Variants in PTPN4 observed in about 807,000 individuals in gnomAD.
PTPN4 encodes protein tyrosine phosphatase non-receptor type 4, also known as tyrosine-protein phosphatase non-receptor type 4.
PTPN4 carries 49 observed loss-of-function variants against 135.5 expected under a neutral mutation model. The observed-to-expected ratio is 0.36, with a 90% CI of 0.29 to 0.46. The LOEUF (loss-of-function observed/expected upper bound fraction) is 0.46. Ranked by LOEUF, PTPN4 falls within the 20% of genes least tolerant of loss-of-function variation. PTPN4 has a pLI of 1.00. For missense variants in PTPN4, 860 were observed against 1,101.0 expected, an observed-to-expected ratio of 0.78 and a Z score of 3.10; for synonymous variants, 333 against 369.9, an observed-to-expected ratio of 0.90 and a Z score of 1.14.
At chr2:119,933,656 C>T (rs1211213334) in intron 14 of PTPN4, among the ~76,000 whole-genome samples, 2 of 141,530 alleles carry the variant, frequency 1.4e-5, no homozygotes. Flanking sequence ...GAGTGAGACC[C>T]TGTCTCAAAA....
intron 10 of PTPN4, among the ~76,000 whole-genome samples, chr2:119,910,884 C>T (rs1275904771): frequency 6.6e-6 from 1 of 152,026 alleles, no homozygotes; most frequent in Non-Finnish European, 1.5e-5. Context: ...TCTTTATTAG[C>T]AGTGTGAGAA....
intron 2 of PTPN4, among the ~76,000 whole-genome samples, chr2:119,850,807 C>G (rs955711695): frequency 6.6e-6 from 1 of 152,200 alleles, no homozygotes; most frequent in East Asian, 1.9e-4. Context: ...AGGAGCAGAT[C>G]CATAGAGTTC....
intron 10 of PTPN4, 69 bp from the exon 11 acceptor site, chr2:119,915,108 CAT>C: frequency 7.9e-7 from 1 of 1,272,302 alleles, no homozygotes; most frequent in Non-Finnish European, 1.1e-6. Context: ...ACACTTAAAA[CAT>C]TTTTTCATAA....
chr2:119,929,330 A>G (rs1041567962), intron 13 of PTPN4, among the ~76,000 whole-genome samples: 1 of 152,114 alleles, frequency 6.6e-6, no homozygotes, highest in Non-Finnish European at 1.5e-5. Flanking sequence ...TTAAAGTACC[A>G]GATAACCTAG....
intron 9 of PTPN4, among the ~76,000 whole-genome samples, chr2:119,889,409 G>C (rs1023149374): frequency 1.3e-5 from 2 of 152,064 alleles, no homozygotes; most frequent in African/African-American, 4.8e-5. Flanking sequence ...GACAGAGAGA[G>C]ACTCTGTCTC....
Position 119,835,123 on chromosome 2 carries a change from C to T in PTPN4, c.138+25132C>T, listed in dbSNP as rs192909788. On this transcript the variant is annotated intron_variant, in intron 2 of 26. Transcript: ENST00000263708. ...GGAGTCTATTGTCACTTCCTTAAGC[C>T]ACTACTAAATTTTAAGTTATCCATC... Among the ~76,000 whole-genome samples, 8 of 152,250 alleles carry T rather than the reference C, an allele frequency of 5.3e-5. No individual in the cohort carries two copies. The East Asian group carries it at 1.3e-3, about 26-fold the overall frequency.
chr2:119,884,167 G>A (rs1678121271), intron 8 of PTPN4, among the ~76,000 whole-genome samples: 2 of 152,222 alleles, frequency 1.3e-5, no homozygotes, highest in African/African-American at 4.8e-5. Context: ...CAAAGTGCTG[G>A]GATTACAGGC....
chr2:119,947,314 A>G (rs775434546), intron 18 of PTPN4, among the ~76,000 whole-genome samples: 20 of 152,168 alleles, frequency 1.3e-4, no homozygotes, highest in Non-Finnish European at 2.5e-4. Context: ...GAGGCCAGCT[A>G]TGCTTTTTTT....
At chr2:119,805,594 T>C (rs1306309849) in intron 1 of PTPN4, among the ~76,000 whole-genome samples, 1 of 152,192 alleles carries the variant, frequency 6.6e-6, no homozygotes, top group Non-Finnish European at 1.5e-5. Flanking sequence ...TGGTTGTAGA[T>C]GTGTGGTGAT....
At chr2:119,791,054 CAGAT>C (rs1434405557) in intron 1 of PTPN4, 1 of 151,488 alleles carries the variant, frequency 6.6e-6, no homozygotes, top group Non-Finnish European at 1.5e-5. Flanking sequence ...TATTTTAAAT[CAGAT>C]AGGAGGAAAA....
chr2:119,900,941 CTTAG>C (rs1172487256), intron 10 of PTPN4, 135 bp downstream of exon 10: 4 of 477,638 alleles, frequency 8.4e-6, no homozygotes, highest in Non-Finnish European at 1.4e-5. Flanking sequence ...CTTTATCCCA[CTTAG>C]TTAGCACCTA....
intron 1 of PTPN4, among the ~76,000 whole-genome samples, chr2:119,773,936 A>G (rs950929762): frequency 6.6e-6 from 1 of 152,218 alleles, no homozygotes; most frequent in Admixed American, 6.5e-5. Flanking sequence ...ATAATGATGC[A>G]GTATTAAATC....
At chr2:119,944,382 A>G (rs904387715) in intron 15 of PTPN4, among the ~76,000 whole-genome samples, 1 of 152,218 alleles carries the variant, frequency 6.6e-6, no homozygotes, top group Non-Finnish European at 1.5e-5. Flanking sequence ...AATGCTCACA[A>G]GTAATGTTTT....
chr2:119,787,311 C>A (rs899000664), intron 1 of PTPN4, among the ~76,000 whole-genome samples: 2 of 152,154 alleles, frequency 1.3e-5, no homozygotes, highest in African/African-American at 4.8e-5. Flanking sequence ...ATAATACATA[C>A]TTTTTGAATA....
chr2:119,956,771 A>T, intron 20 of PTPN4, 73 bp from the exon 21 acceptor site: 1 of 1,574,614 alleles, frequency 6.4e-7, no homozygotes, highest in Non-Finnish European at 8.5e-7. Flanking sequence ...TTAGTGTAGA[A>T]ACAAGTCTGG....
At chr2:119,973,655 GTTTTTTTT>G (rs70949378) in intron 26 of PTPN4, among the ~76,000 whole-genome samples, 2 of 38,394 alleles carry the variant, frequency 5.2e-5, no homozygotes, top group Non-Finnish European at 8.4e-5. Context: ...TTCATTTCTT[GTTTTTTTT>G]TTTTTTTTTT....
chr2:119,792,199 A>G (rs1275775866), intron 1 of PTPN4, among the ~76,000 whole-genome samples: 1 of 152,240 alleles, frequency 6.6e-6, no homozygotes, highest in African/African-American at 2.4e-5. Context: ...AAAACATTAT[A>G]AAGTGCTTTC....
intron 5 of PTPN4, among the ~76,000 whole-genome samples, chr2:119,879,347 C>T (rs930775023): frequency 6.6e-6 from 1 of 152,104 alleles, no homozygotes; most frequent in Non-Finnish European, 1.5e-5. Context: ...AAAGTAAAAT[C>T]AAGTTTGATG....
rs554190572 is a variant in PTPN4, at chr2:119,977,161, C to CA, written c.*101dup. Reference sequence around the variant, plus strand: ...GCTGCTCGCAGGAAATGGCATTTTACAAAAAAAAAATGAAGAACTCAAAAA... The same window carrying CA: ...GCTGCTCGCAGGAAATGGCATTTTACAAAAAAAAAAATGAAGAACTCAAAAA... On this transcript the variant is annotated 3_prime_UTR_variant, in exon 27 of 27. Coordinates refer to ENST00000263708, the MANE Select transcript of PTPN4 (RefSeq NM_002830.4). 355,747 of 1,227,788 alleles carry CA rather than the reference C, an allele frequency of 0.29. 28,491 individuals carry two copies. Among genetic ancestry groups the CA allele is most frequent in the South Asian group, 0.32 (13,673 of 42,194 alleles). The allele number at this position is 1,227,788 out of a possible 1,614,324, so 76.1% of individuals were successfully genotyped here.
Sources: gnomAD v4.1 joint callset for allele counts (sites outside exome capture counted in the v4.1 genomes callset) on GRCh38, gnomAD v4.1.1 for gene constraint, MANE v1.5 for transcripts, NCBI Gene and HGNC (gene_info 2026-07-23, HGNC 2026-07-21) for gene names.